HLA-DRB1: variants seen among roughly 807,000 people sequenced by gnomAD.
HLA-DRB1 encodes the protein major histocompatibility complex, class II, DR beta 1 precursor.
A neutral mutation model predicts 27.9 loss-of-function variants in HLA-DRB1; 10 were observed. That is an observed-to-expected ratio of 0.36 (90% CI 0.22 to 0.61). The LOEUF is 0.61. HLA-DRB1 is among the 20% of genes least tolerant of loss of function. The pLI is 0.73. For missense variants in HLA-DRB1, 118 were observed against 306.3 expected (o/e 0.39, Z 4.59); for synonymous variants, 57 against 126.7 (o/e 0.45, Z 3.69).
At chr6:32,581,533 T>G (rs35464026) in intron 3 of HLA-DRB1, 24 bp downstream of exon 3, 72,115 of 697,080 alleles carry the variant, frequency 0.1, 4,340 homozygotes, top group East Asian at 0.16. Context: ...GGTGAGAAAT[T>G]TAGGAAGTCA....
Position 32,583,308 on chromosome 6 carries a change from A to G in HLA-DRB1, c.370+801T>C, listed in dbSNP as rs1486519953. On this transcript the variant is annotated intron_variant, in intron 2 of 5. Coordinates refer to ENST00000360004, the Ensembl canonical transcript of HLA-DRB1. ...TTCAACTTCTGGTGAATGTCATAATAAAGGTCAACAAACGGGAAAGTGAGG... is the reference window on the plus strand; with the variant it reads ...TTCAACTTCTGGTGAATGTCATAATGAAGGTCAACAAACGGGAAAGTGAGG... Among the ~76,000 whole-genome samples, 2 of 50,298 alleles carry G rather than the reference A, an allele frequency of 4.0e-5. 1 individual carries two copies. Among genetic ancestry groups the G allele is most frequent in the Non-Finnish European group, 8.0e-5 (2 of 24,894 alleles). The allele number at this position is 50,298 out of a possible 152,430, so 33.0% of individuals were successfully genotyped here. A position where few individuals can be genotyped will look rare whatever the true frequency, so the allele number is the denominator to read the frequency against.
intron 2 of HLA-DRB1, among the ~76,000 whole-genome samples, chr6:32,583,277 C>T (rs9269892): frequency 0.32 from 14,019 of 43,834 alleles, 5,895 homozygotes; most frequent in Non-Finnish European, 0.36. Flanking sequence ...ACCAGAAACA[C>T]ACAATTTCAA....
intron 2 of HLA-DRB1, among the ~76,000 whole-genome samples, chr6:32,582,622 T>G (rs1775722303): frequency 9.6e-6 from 1 of 104,166 alleles, no homozygotes; most frequent in Non-Finnish European, 2.0e-5. Context: ...TAGAAAAGCA[T>G]GAGTCCTGAA....
At chr6:32,586,384 C>T (rs1187093047) in intron 1 of HLA-DRB1, among the ~76,000 whole-genome samples, 9 of 96,320 alleles carry the variant, frequency 9.3e-5, no homozygotes, top group Non-Finnish European at 1.8e-4. Flanking sequence ...CCAAACCCAG[C>T]ACTTGCTTCT....
At chr6:32,582,310 G>A (rs1775661196) in intron 2 of HLA-DRB1, among the ~76,000 whole-genome samples, 1 of 122,256 alleles carries the variant, frequency 8.2e-6, no homozygotes, top group African/African-American at 3.4e-5. Context: ...ATAAAACAAT[G>A]ACTGAAGATA....
intron 4 of HLA-DRB1, among the ~76,000 whole-genome samples, chr6:32,580,477 T>C (rs1202146118): frequency 8.2e-6 from 1 of 122,366 alleles, no homozygotes; most frequent in Admixed American, 9.5e-5. Flanking sequence ...CCATTAGCCT[T>C]AGTGGCTCTT....
chr6:32,587,612 A>T (rs9270154), intron 1 of HLA-DRB1, among the ~76,000 whole-genome samples: 3,607 of 69,120 alleles, frequency 0.052, 215 homozygotes, highest in Middle Eastern at 0.13. Context: ...TCTCCCTGGA[A>T]CTTTCATCCC....
chr6:32,580,186 TG>T lies in HLA-DRB1; in HGVS notation c.787+60del, dbSNP rs752024157. ...TCCCCACCCCACCCAGAAGTCCAGC[TG>T]GCTTCACCTCTCACTAGGGAAACTG... On this transcript the variant is annotated intron_variant, in intron 5 of 5. Transcript: ENST00000360004. 90 of 576,106 alleles carry T rather than the reference TG, an allele frequency of 1.6e-4. 21 individuals are homozygous for T. Among genetic ancestry groups the T allele is most frequent in the Non-Finnish European group, 2.4e-4 (88 of 360,052 alleles). 35.7% of individuals were successfully genotyped at this position (576,106 alleles called of 1,614,324 possible).
intron 2 of HLA-DRB1, 51 bp from the exon 3 acceptor site, chr6:32,581,889 T>A: frequency 1.1e-6 from 1 of 931,626 alleles, no homozygotes; most frequent in Non-Finnish European, 1.7e-6. Context: ...AGAGTAAGTC[T>A]CCTGGTTTGG....
At chr6:32,586,584 C>T (rs34735315) in intron 1 of HLA-DRB1, among the ~76,000 whole-genome samples, 7 of 52,308 alleles carry the variant, frequency 1.3e-4, no homozygotes, top group Admixed American at 2.1e-4. Context: ...TCACACAATC[C>T]ATCTCCCTAT....
chr6:32,589,574 G>C (rs1777057818), intron 1 of HLA-DRB1, 69 bp downstream of exon 1: 1 of 575,760 alleles, frequency 1.7e-6, no homozygotes, highest in Non-Finnish European at 2.7e-6. Context: ...CATGGCCTGG[G>C]CACAATGTTA....
chr6:32,586,465 A>G (rs1450598588), intron 1 of HLA-DRB1, among the ~76,000 whole-genome samples: 1 of 98,056 alleles, frequency 1.0e-5, no homozygotes, highest in African/African-American at 4.8e-5. Flanking sequence ...CTCCTTGAAA[A>G]TAATCTATTT....
chr6:32,589,216 A>G (rs9270248), intron 1 of HLA-DRB1, among the ~76,000 whole-genome samples: 76,223 of 109,556 alleles, frequency 0.7, 28,313 homozygotes, highest in Middle Eastern at 0.84. Flanking sequence ...TCCTGTGGGG[A>G]ACCTAACACT....
chr6:32,582,925 C>G (rs9269868), intron 2 of HLA-DRB1, among the ~76,000 whole-genome samples: 4,542 of 127,462 alleles, frequency 0.036, no homozygotes, highest in Admixed American at 0.061. Context: ...TGGCAGATTT[C>G]AGATGGATTG....
intron 1 of HLA-DRB1, among the ~76,000 whole-genome samples, chr6:32,585,580 C>T (rs1444938437): frequency 7.1e-6 from 1 of 140,466 alleles, no homozygotes; most frequent in Admixed American, 7.3e-5. Context: ...TTTTGTATTC[C>T]TTAATTCTAA....
intron 1 of HLA-DRB1, among the ~76,000 whole-genome samples, chr6:32,584,941 A>C (rs9269997): frequency 0.056 from 2,732 of 48,984 alleles, 201 homozygotes; most frequent in East Asian, 0.073. Flanking sequence ...AATGAGAAAT[A>C]TCAGAAGTGT....
At chr6:32,588,523 C>T (rs34902284) in intron 1 of HLA-DRB1, among the ~76,000 whole-genome samples, 2,267 of 59,172 alleles carry the variant, frequency 0.038, 32 homozygotes, top group East Asian at 0.075. Flanking sequence ...TTAGAGATTT[C>T]TGGAAATGAT....
chr6:32,581,900 C>CTTTT, intron 2 of HLA-DRB1, 62 bp from the exon 3 acceptor site: 1 of 829,818 alleles, frequency 1.2e-6, no homozygotes, highest in East Asian at 2.7e-5. Flanking sequence ...CCTGGTTTGG[C>CTTTT]TGTGTGTCTG....
At chr6:32,588,578 C>T (rs1162692370) in intron 1 of HLA-DRB1, among the ~76,000 whole-genome samples, 12 of 65,298 alleles carry the variant, frequency 1.8e-4, no homozygotes, top group East Asian at 1.1e-3. Context: ...AAGAGGTAAG[C>T]AGACATGGCT....
Sources: allele counts gnomAD v4.1 joint callset (sites outside exome capture counted in the v4.1 genomes callset), GRCh38; gene constraint gnomAD v4.1.1; transcripts MANE v1.5; gene names NCBI Gene and HGNC (gene_info 2026-07-23, HGNC 2026-07-21).